The following DDC variants were observed in gnomAD, a reference collection of about 807,000 sequenced individuals.
DDC encodes the protein aromatic-L-amino-acid decarboxylase.
DDC carries 43 observed loss-of-function variants against 60.0 expected under a neutral mutation model. That is an observed-to-expected ratio of 0.72 (90% CI 0.56 to 0.92). The LOEUF (loss-of-function observed/expected upper bound fraction) is 0.92, where lower values mean the gene tolerates loss of function less well. DDC is among the 40% of genes least tolerant of loss of function. The pLI is 0.00. For synonymous variants in DDC, 232 were observed against 234.6 expected, an observed-to-expected ratio of 0.99 and a Z score of 0.10; for missense variants, 573 against 620.2, an observed-to-expected ratio of 0.92 and a Z score of 0.81.
At chr7:50,472,796 C>T (rs2042562786) in intron 11 of DDC, among the ~76,000 whole-genome samples, 1 of 152,182 alleles carries the variant, frequency 6.6e-6, no homozygotes, top group Non-Finnish European at 1.5e-5. Flanking sequence ...CTCGTGCCCT[C>T]ATCTACTGAC....
Position 50,463,205 on chromosome 7 carries a change from C to T in DDC, c.*18+8G>A. 1 of 1,585,620 alleles carries T rather than the reference C, an allele frequency of 6.3e-7. No homozygotes were observed. ...AGACAGGCAGAAAATGAGCCCAGGG[C>T]AGCCTACCTGCAGCTGGCTTCACTC... is the stretch of plus-strand genomic sequence containing the variant. On this transcript the variant is annotated splice_region_variant and intron_variant, in intron 14 of 14. Coordinates refer to ENST00000444124, the MANE Select transcript of DDC (RefSeq NM_001082971.2).
intron 9 of DDC, among the ~76,000 whole-genome samples, chr7:50,482,248 A>T (rs924171134): frequency 2.8e-4 from 43 of 152,350 alleles, no homozygotes; most frequent in Middle Eastern, 6.8e-3. Context: ...ACTATTGTAA[A>T]CAACCTATAG....
At chr7:50,523,795 C>T (rs2100279) in intron 6 of DDC, among the ~76,000 whole-genome samples, 15,491 of 152,182 alleles carry the variant, frequency 0.1, 1,052 homozygotes, top group South Asian at 0.14. Context: ...TCTTACCATA[C>T]GATCCAGCAA....
chr7:50,544,683 A>G (rs2044744381), intron 1 of DDC, among the ~76,000 whole-genome samples: 1 of 152,108 alleles, frequency 6.6e-6, no homozygotes, highest in Non-Finnish European at 1.5e-5. Flanking sequence ...TTTTAAAACT[A>G]ATGCTCTCCT....
chr7:50,536,375 G>A (rs79454619), intron 4 of DDC, among the ~76,000 whole-genome samples: 5,490 of 152,278 alleles, frequency 0.036, 204 homozygotes, highest in African/African-American at 0.092. Context: ...GGCACATGTA[G>A]TCAGGATCTC....
At chr7:50,529,429 C>G (rs1457613260) in intron 4 of DDC, 87 bp from the exon 5 acceptor site, 24 of 1,518,110 alleles carry the variant, frequency 1.6e-5, no homozygotes, top group Non-Finnish European at 2.2e-5. Flanking sequence ...TGTTTTGTGT[C>G]CATAGTTTTC....
intron 1 of DDC, among the ~76,000 whole-genome samples, chr7:50,549,732 G>A (rs1179518985): frequency 6.6e-6 from 1 of 151,954 alleles, no homozygotes; most frequent in Non-Finnish European, 1.5e-5. Context: ...GGTGGAAGAA[G>A]TTGATTCCAA....
Position 50,463,298 on chromosome 7 carries a change from TG to T in DDC, c.1375del (p.His459MetfsTer72). 6.2e-7 allele frequency: 1 copy of T among 1,614,226 alleles called. No homozygotes were observed. On this transcript the variant is annotated frameshift_variant, in exon 14 of 15. Transcript: ENST00000444124. LOFTEE classifies it high-confidence loss of function. Reference sequence around the variant, plus strand: ...GATGTGTTCCCAGGCCCGCTGCACATGGGCAGATTCCACCGTGCGAGAACAG... The same window carrying T: ...GATGTGTTCCCAGGCCCGCTGCACATGGCAGATTCCACCGTGCGAGAACAG... ...AICSRTVESAHVQRAWEHIKE... is the reference protein window; with the variant it reads ...AICSRTVESAXVQRAWEHIKE...
intron 8 of DDC, among the ~76,000 whole-genome samples, chr7:50,496,350 A>C (rs1295952164): frequency 6.6e-6 from 1 of 151,976 alleles, no homozygotes; most frequent in African/African-American, 2.4e-5. Flanking sequence ...CAGCCTCCCA[A>C]AGTACTGGGA....
In DDC at chr7:50,482,518, C is replaced by T. The variant is rs559093658; in HGVS notation, c.945-2655G>A. On this transcript the variant is annotated intron_variant, in intron 9 of 14. Transcript: ENST00000444124. Reference sequence around the variant, plus strand: ...CGCGCTGGTGCTACATGAGTTCAGTCGTGGTTACTTTACACACACACGTTG... The same window carrying T: ...CGCGCTGGTGCTACATGAGTTCAGTTGTGGTTACTTTACACACACACGTTG... Among the ~76,000 whole-genome samples, 11 of 152,266 alleles carry T rather than the reference C, an allele frequency of 7.2e-5. No homozygotes were observed. The South Asian group carries it at 2.3e-3, about 32-fold the overall frequency.
At chr7:50,466,693 G>A (rs992869982) in intron 13 of DDC, among the ~76,000 whole-genome samples, 2 of 152,174 alleles carry the variant, frequency 1.3e-5, no homozygotes, top group South Asian at 4.1e-4. Flanking sequence ...CCTGGTGAAT[G>A]CACAGCATCA....
At chr7:50,491,498 A>G (rs1304428911) in intron 9 of DDC, among the ~76,000 whole-genome samples, 1 of 152,180 alleles carries the variant, frequency 6.6e-6, no homozygotes, top group African/African-American at 2.4e-5. Flanking sequence ...TCTAAAATGC[A>G]TTTTCTGAAG....
At chr7:50,471,631 C>T (rs1023319881) in intron 11 of DDC, among the ~76,000 whole-genome samples, 5 of 152,110 alleles carry the variant, frequency 3.3e-5, no homozygotes, top group South Asian at 2.1e-4. Context: ...AACAAGGGTT[C>T]GGATCCCCAC....
intron 8 of DDC, among the ~76,000 whole-genome samples, chr7:50,496,580 C>A: frequency 6.6e-6 from 1 of 151,854 alleles, no homozygotes; most frequent in East Asian, 1.9e-4. Flanking sequence ...CTGCATTTTC[C>A]CTGAGCTGTC....
chr7:50,493,848 A>G (rs1330107367), intron 9 of DDC, among the ~76,000 whole-genome samples: 1 of 151,956 alleles, frequency 6.6e-6, no homozygotes, highest in Non-Finnish European at 1.5e-5. Context: ...TCAAACGGGT[A>G]TTTTGGTAAC....
At chr7:50,496,951 T>C (rs1402017901) in intron 8 of DDC, among the ~76,000 whole-genome samples, 1 of 152,202 alleles carries the variant, frequency 6.6e-6, no homozygotes, top group Non-Finnish European at 1.5e-5. Flanking sequence ...TTAATAAAAG[T>C]AATTTTGAGA....
At chr7:50,516,896 C>T (rs2043747618) in intron 6 of DDC, among the ~76,000 whole-genome samples, 1 of 151,544 alleles carries the variant, frequency 6.6e-6, no homozygotes, top group Non-Finnish European at 1.5e-5. Flanking sequence ...TAGATACCCT[C>T]AACAGACCAA....
Position 50,505,244 on chromosome 7 carries a change from T to C in DDC, c.715-1185A>G, listed in dbSNP as rs534324805. ...GTTGGGCTGAGCATTTGCACTTTGC[T>C]GGACATTGCATAGATGCTGAAACCT... On this transcript the variant is annotated intron_variant, in intron 6 of 14. Coordinates refer to ENST00000444124, the MANE Select transcript of DDC (RefSeq NM_001082971.2). 9.8e-5 allele frequency among the ~76,000 whole-genome samples: 15 copies of C among 152,382 alleles called. No individual in the cohort carries two copies. In the South Asian group the frequency reaches 3.1e-3, roughly 32 times the overall value.
chr7:50,480,860 C>T (rs1417209069), intron 9 of DDC, among the ~76,000 whole-genome samples: 2 of 152,124 alleles, frequency 1.3e-5, no homozygotes, highest in Non-Finnish European at 2.9e-5. Flanking sequence ...CCTCTTTCAC[C>T]TGTCTGCACA....
Sources: gnomAD v4.1 joint callset for allele counts (sites outside exome capture counted in the v4.1 genomes callset) on GRCh38, gnomAD v4.1.1 for gene constraint, MANE v1.5 for transcripts, NCBI Gene and HGNC (gene_info 2026-07-23, HGNC 2026-07-21) for gene names.